TMEM63B: variants seen among roughly 807,000 people sequenced by gnomAD.
TMEM63B encodes the protein transmembrane protein 63B.
In TMEM63B, 23 loss-of-function variants were observed where a neutral mutation model predicts 102.6. That is an observed-to-expected ratio of 0.22 (90% confidence interval 0.16 to 0.32). The LOEUF (loss-of-function observed/expected upper bound fraction) is 0.32, where lower values mean the gene tolerates loss of function less well. TMEM63B is among the 10% of genes least tolerant of loss of function. The pLI, the probability that TMEM63B is intolerant of heterozygous loss-of-function variation, is 1.00. For missense variants in TMEM63B, 628 were observed against 1,095.9 expected (o/e 0.57, Z 6.03); for synonymous variants, 444 against 437.0 (o/e 1.02, Z -0.20).
chr6:44,147,183 T>C (rs1245564054), intron 11 of TMEM63B, among the ~76,000 whole-genome samples, 194 bp from the exon 12 acceptor site: 1 of 152,068 alleles, frequency 6.6e-6, no homozygotes, highest in Non-Finnish European at 1.5e-5. Flanking sequence ...GTATGAGAAA[T>C]TTAGGTCAGC....
At chr6:44,139,807 T>C (rs1763861345) in intron 8 of TMEM63B, 48 bp downstream of exon 8, 1 of 1,611,666 alleles carries the variant, frequency 6.2e-7, no homozygotes, top group Non-Finnish European at 8.5e-7. Flanking sequence ...GACCAGAGTC[T>C]GGGCCATGAT....
At chr6:44,134,859 G>T (rs1443569738) in intron 2 of TMEM63B, 116 bp downstream of exon 2, 11 of 1,504,264 alleles carry the variant, frequency 7.3e-6, no homozygotes, top group Non-Finnish European at 1.0e-5. Context: ...TAAGCAGGAG[G>T]AGTCCCCATC....
rs746513634 is a variant in TMEM63B, at chr6:44,136,344, C to T, written c.279-5C>T. On this transcript the variant is annotated splice_polypyrimidine_tract_variant and splice_region_variant and intron_variant, in intron 4 of 23. Coordinates refer to ENST00000323267, the MANE Select transcript of TMEM63B (RefSeq NM_018426.3). ...TCTCTGATCTCTCATCTCCCTCACC[C>T]CCAGTGTGGCTTCAGCTATGCACGG... The T allele has an allele frequency of 1.2e-6, 2 of 1,613,822 alleles. No individual in the cohort carries two copies. The highest frequency in any genetic ancestry group is 1.7e-6 in the Non-Finnish European group (2 of 1,179,780).
intron 6 of TMEM63B, chr6:44,138,738 C>CCCCCCCCCCCCA: frequency 2.5e-6 from 1 of 398,116 alleles, no homozygotes. Flanking sequence ...CCCTGCCGGC[C>CCCCCCCCCCCCA]CCCCCGCTTC....
At chr6:44,145,939 C>T (rs1425869044) in intron 10 of TMEM63B, among the ~76,000 whole-genome samples, 2 of 152,156 alleles carry the variant, frequency 1.3e-5, no homozygotes, top group African/African-American at 2.4e-5. Context: ...GGAGGTCAGT[C>T]TTGGGTCTGG....
In TMEM63B at chr6:44,134,692, G is replaced by A. The variant is rs756543524; in HGVS notation, c.108G>A (p.Leu36=). 17 of 1,614,058 alleles carry A rather than the reference G, an allele frequency of 1.1e-5. No homozygotes were observed. In the Admixed American group the frequency reaches 2.8e-4, roughly 27 times the overall value. The change falls in exon 2 of 24, where the codon CTG becomes CTA. Residue 36 remains leucine (L), a synonymous_variant. Transcript: ENST00000323267. The stretch of plus-strand genomic sequence containing the variant: ...TCCGCAGCACTGTCCTGCAGGGCCT[G>A]CCCTTTGGGGGCGTCCCCACCGTGC... ...ARIRSTVLQG[L]PFGGVPTVLA...
intron 5 of TMEM63B, 163 bp from the exon 6 acceptor site, chr6:44,138,316 CT>C: frequency 3.8e-6 from 3 of 797,980 alleles, no homozygotes; most frequent in Non-Finnish European, 6.3e-6. Flanking sequence ...CTCTCTCTCC[CT>C]TTTTGGGTAT....
upstream of TMEM63B, chr6:44,127,104 G>A (rs1330779934): frequency 6.6e-6 from 1 of 151,972 alleles, no homozygotes; most frequent in Non-Finnish European, 1.5e-5. Context: ...GGGGGTCGCA[G>A]AAGCAGCCCA....
At chr6:44,151,754 G>T in intron 18 of TMEM63B, 92 bp from the exon 19 acceptor site, 1 of 1,407,688 alleles carries the variant, frequency 7.1e-7, no homozygotes, top group South Asian at 1.4e-5. Context: ...GCATGTTGGT[G>T]GTGGAGGTGT....
Position 44,137,658 on chromosome 6 carries a change from G to A in TMEM63B, c.370-822G>A, listed in dbSNP as rs978092448. Among the ~76,000 whole-genome samples, 7 of 151,744 alleles carry A rather than the reference G, an allele frequency of 4.6e-5. No individual in the cohort carries two copies. The East Asian group carries it at 1.4e-3, about 29-fold the overall frequency. The stretch of plus-strand genomic sequence containing the variant: ...CCTCCCCTGAATATCCCCATTCTCT[G>A]CCTTTACATGCCTGGAGGGTGGAGG... On this transcript the variant is annotated intron_variant, in intron 5 of 23. Transcript: ENST00000323267.
At chr6:44,132,695 T>C (rs1424405715) in intron 1 of TMEM63B, among the ~76,000 whole-genome samples, 1 of 150,036 alleles carries the variant, frequency 6.7e-6, no homozygotes, top group Non-Finnish European at 1.5e-5. Flanking sequence ...ACTCCCTTCA[T>C]TTCCGTGGAC....
At chr6:44,143,152 C>T (rs977133940) in intron 10 of TMEM63B, among the ~76,000 whole-genome samples, 1 of 152,190 alleles carries the variant, frequency 6.6e-6, no homozygotes, top group Non-Finnish European at 1.5e-5. Flanking sequence ...TGAGAGTGAA[C>T]ATCTATCTGG....
chr6:44,148,136 A>T lies in TMEM63B; in HGVS notation c.988-116A>T, dbSNP rs1176416561. On this transcript the variant is annotated intron_variant, in intron 12 of 23. Coordinates refer to ENST00000323267, the MANE Select transcript of TMEM63B (RefSeq NM_018426.3). This position sits in a 1 kb window ranked among gnomAD's most constrained non-coding sequence, Gnocchi z 5.1. ...AGACGCTGTTTCCAAAAAAAAAAAA[A>T]TGCTTAGAGGAGCAGTGCCTGGCTT... 5 of 1,450,460 alleles carry T rather than the reference A, an allele frequency of 3.4e-6. No individual in the cohort carries two copies. The highest frequency in any genetic ancestry group is 1.4e-5 in the South Asian group (1 of 69,532). 89.8% of individuals were successfully genotyped at this position (1,450,460 alleles called of 1,614,324 possible). A position where few individuals can be genotyped will look rare whatever the true frequency, so the allele number is the denominator to read the frequency against.
rs1767706233 is a variant in TMEM63B at position 44,154,821 on chromosome 6, C to G, written c.2437C>G (p.Leu813Val). 1 of 1,610,260 alleles carries G rather than the reference C, an allele frequency of 6.2e-7. No homozygotes were observed. The highest frequency in any genetic ancestry group is 8.5e-7 in the Non-Finnish European group (1 of 1,178,970). The change falls in exon 24 of 24, where the codon CTC (leucine) becomes GTC (valine). Residue 813 changes from leucine (L) to valine (V), a missense_variant. Around this residue, in one of 6 missense-constraint regions of TMEM63B, gnomAD observed 129 missense variants for 153.5 expected, o/e 0.84. Transcript: ENST00000323267. ...DEELLMPPDALTDTDFQSCED... is the reference protein window; with the variant it reads ...DEELLMPPDAVTDTDFQSCED... ...GGAGTTGCTGATGCCACCCGACGCC[C>G]TCACGGACACAGACTTCCAGTCTTG...
rs1165791025 is a variant in TMEM63B at position 44,131,197 on chromosome 6, T to TC, written c.-24-3364_-24-3363insC. ...CCTCCCAAAATGCTGGGATTACAGG[T>TC]GTGAGCCACCGTGCCTGGCACCTAC... On this transcript the variant is annotated intron_variant, in intron 1 of 23. Coordinates refer to ENST00000323267, the MANE Select transcript of TMEM63B (RefSeq NM_018426.3). 3.6e-4 allele frequency among the ~76,000 whole-genome samples: 54 copies of TC among 151,958 alleles called. 1 individual carries two copies. Among genetic ancestry groups the TC allele is most frequent in the African/African-American group, 1.3e-3 (52 of 41,472 alleles).
At chr6:44,153,647 G>A (rs1019433092) in intron 20 of TMEM63B, 29 bp from the exon 21 acceptor site, 3 of 1,601,706 alleles carry the variant, frequency 1.9e-6, no homozygotes, top group Middle Eastern at 1.7e-4. Context: ...CACTGGTTCC[G>A]AGGTCAGGGC....
In TMEM63B at chr6:44,148,221, T is replaced by C. The variant is rs756817127; in HGVS notation, c.988-31T>C. 1.2e-6 allele frequency: 2 copies of C among 1,611,802 alleles called. No individual in the cohort carries two copies. Among genetic ancestry groups the C allele is most frequent in the Admixed American group, 1.7e-5 (1 of 59,866 alleles). ...GCAGGCCCCAGCCTGGCTTTCCAACTAGAGGCCCTGTCCCTAACCCTCCCA... is the reference window on the plus strand; with the variant it reads ...GCAGGCCCCAGCCTGGCTTTCCAACCAGAGGCCCTGTCCCTAACCCTCCCA... On this transcript the variant is annotated intron_variant, in intron 12 of 23. Coordinates refer to ENST00000323267, the MANE Select transcript of TMEM63B (RefSeq NM_018426.3). This position sits in a 1 kb window ranked among gnomAD's most constrained non-coding sequence, Gnocchi z 5.1.
rs1226845683 is a variant in TMEM63B, at chr6:44,154,772, C to T, written c.2388C>T (p.Pro796=). The change falls in exon 24 of 24, where the codon CCC becomes CCT. Residue 796 remains proline, a synonymous_variant. Transcript: ENST00000323267. The stretch of plus-strand genomic sequence containing the variant: ...CTCCTGGGAGCTCAGGGGATGAGCC[C>T]CCATCATCCTCATCCCAAGATGAGG... ...DGAPGSSGDE[P]PSSSSQDEEL... The T allele has an allele frequency of 6.2e-7, 1 of 1,609,144 alleles. No homozygotes were observed. The highest frequency in any genetic ancestry group is 8.5e-7 in the Non-Finnish European group (1 of 1,178,576).
chr6:44,138,435 G>C (rs1462425622), intron 5 of TMEM63B, 45 bp from the exon 6 acceptor site: 5 of 1,613,594 alleles, frequency 3.1e-6, no homozygotes, highest in Non-Finnish European at 4.2e-6. Context: ...AGAGGTTCGG[G>C]TTGGTGGGCT....
Sources: allele counts gnomAD v4.1 joint callset (sites outside exome capture counted in the v4.1 genomes callset), GRCh38; gene constraint gnomAD v4.1.1; regional missense constraint gnomAD v4.1.1; non-coding constraint Gnocchi (gnomAD v3.1); transcripts MANE v1.5; gene names NCBI Gene and HGNC (gene_info 2026-07-23, HGNC 2026-07-21).